The following PSTPIP1 variants were observed in gnomAD, a reference collection of about 807,000 sequenced individuals.
The protein encoded by PSTPIP1 is proline-serine-threonine phosphatase-interacting protein 1.
Under a neutral mutation model 69.6 loss-of-function variants are expected in PSTPIP1, and 66 were observed. That is an observed-to-expected ratio of 0.95 (90% CI 0.78 to 1.16). The LOEUF is 1.16. Among genes scored for constraint, PSTPIP1 ranks in the 50% most tolerant of loss-of-function variants. The pLI, the probability that PSTPIP1 is intolerant of heterozygous loss-of-function variation, is 0.00. For missense variants in PSTPIP1, 603 were observed against 557.4 expected, an observed-to-expected ratio of 1.08 and a Z score of -0.82; for synonymous variants, 266 against 222.7, an observed-to-expected ratio of 1.19 and a Z score of -1.73.
Position 77,031,214 on chromosome 15 carries a change from T to C in PSTPIP1, c.677T>C (p.Ile226Thr). 9 of 1,612,944 alleles carry C rather than the reference T, an allele frequency of 5.6e-6. No individual in the cohort carries two copies. The highest frequency in any genetic ancestry group is 7.6e-6 in the Non-Finnish European group (9 of 1,179,610). ...FQLQEFDRLTILRNALWVHSN... is the reference protein window; with the variant it reads ...FQLQEFDRLTTLRNALWVHSN... The stretch of plus-strand genomic sequence containing the variant: ...CTGCAAGAGTTTGACCGGCTGACCA[T>C]TCTCCGCAACGCCCTGTGGGTGCAC... The change falls in exon 10 of 15, where the codon ATT (isoleucine) becomes ACT (threonine). Residue 226 changes from isoleucine (I) to threonine (T), a missense_variant. Physicochemically the swap from Ile to Thr is moderately conservative, Grantham distance 89. Transcript: ENST00000558012.
chr15:77,015,246 T>C (rs992408924), intron 1 of PSTPIP1, among the ~76,000 whole-genome samples: 2 of 152,230 alleles, frequency 1.3e-5, no homozygotes, highest in African/African-American at 4.8e-5. Flanking sequence ...TCCTGGGCTG[T>C]CTACTAAATG....
Position 77,037,149 on chromosome 15 carries a change from C to T in PSTPIP1, c.1224C>T (p.Val408=), listed in dbSNP as rs2076600601. ...TVERNGQRGF[V]PGSYLEKL is the part of the protein sequence containing the mutation. Reference sequence around the variant, plus strand: ...AGAGGAACGGGCAGCGTGGCTTCGTCCCTGGTTCCTACCTGGAGAAGCTTT... The same window carrying T: ...AGAGGAACGGGCAGCGTGGCTTCGTTCCTGGTTCCTACCTGGAGAAGCTTT... The change falls in exon 15 of 15, where the codon GTC becomes GTT. Residue 408 remains valine, a synonymous_variant. Coordinates refer to ENST00000558012, the MANE Select transcript of PSTPIP1 (RefSeq NM_003978.5). 6.2e-7 allele frequency: 1 copy of T among 1,610,988 alleles called. No homozygotes were observed. Among genetic ancestry groups the T allele is most frequent in the Admixed American group, 1.7e-5 (1 of 59,776 alleles).
intron 14 of PSTPIP1, 46 bp from the exon 15 acceptor site, chr15:77,036,999 C>A (rs777117901): frequency 6.3e-7 from 1 of 1,597,830 alleles, no homozygotes; most frequent in East Asian, 2.2e-5. Context: ...GCAGGCCCTT[C>A]CCTGCAGGCC....
chr15:77,024,742 C>A (rs2076237075), intron 3 of PSTPIP1, among the ~76,000 whole-genome samples: 2 of 151,706 alleles, frequency 1.3e-5, no homozygotes, highest in East Asian at 1.9e-4. Flanking sequence ...CCCTCCCTCC[C>A]TCCCTCCCTC....
At chr15:77,032,273 C>A in intron 10 of PSTPIP1, 25 bp from the exon 11 acceptor site, 1 of 1,607,814 alleles carries the variant, frequency 6.2e-7, no homozygotes, top group East Asian at 2.2e-5. Flanking sequence ...CATCGGGCTG[C>A]GGCCTCTGCT....
chr15:77,005,262 T>G (rs925780257), intron 1 of PSTPIP1, among the ~76,000 whole-genome samples: 33 of 152,254 alleles, frequency 2.2e-4, no homozygotes, highest in Admixed American at 3.3e-4. Flanking sequence ...GGTGCATGCC[T>G]GTAATCCCAG....
At chr15:77,034,299 C>T (rs1241985400) in intron 12 of PSTPIP1, among the ~76,000 whole-genome samples, 2 of 152,322 alleles carry the variant, frequency 1.3e-5, no homozygotes, top group East Asian at 3.9e-4. Context: ...GGCTTGCACC[C>T]TGTCCTTTGC....
At chr15:77,018,328 C>T in intron 2 of PSTPIP1, 80 bp downstream of exon 2, 2 of 1,531,634 alleles carry the variant, frequency 1.3e-6, no homozygotes, top group South Asian at 1.2e-5. Flanking sequence ...GTGGACGAGG[C>T]CCCCATCCCA....
intron 1 of PSTPIP1, among the ~76,000 whole-genome samples, chr15:77,004,345 T>C (rs997622632): frequency 7.9e-5 from 12 of 152,170 alleles, no homozygotes; most frequent in Admixed American, 2.0e-4. Flanking sequence ...CCACCCACCA[T>C]TGGGCAACAG....
intron 3 of PSTPIP1, among the ~76,000 whole-genome samples, chr15:77,019,962 A>C (rs1450865685): frequency 6.6e-6 from 1 of 152,158 alleles, no homozygotes; most frequent in Non-Finnish European, 1.5e-5. Context: ...CTTTCCCAGA[A>C]AGAGAGGGTA....
intron 3 of PSTPIP1, among the ~76,000 whole-genome samples, chr15:77,019,313 C>T (rs1446601078): frequency 3.3e-5 from 5 of 152,228 alleles, no homozygotes; most frequent in African/African-American, 9.6e-5. Context: ...GACAGACCAC[C>T]GGCCTCCAAC....
intron 1 of PSTPIP1, among the ~76,000 whole-genome samples, chr15:76,999,303 G>C (rs2075647473): frequency 6.7e-6 from 1 of 149,064 alleles, no homozygotes; most frequent in African/African-American, 2.5e-5. Context: ...TTTTGAGAAA[G>C]AATCTTACTC....
chr15:77,005,078 T>C (rs2075789554), intron 1 of PSTPIP1, among the ~76,000 whole-genome samples: 1 of 152,024 alleles, frequency 6.6e-6, no homozygotes, highest in African/African-American at 2.4e-5. Flanking sequence ...ACATAGATAA[T>C]TGTGGTAATT....
intron 3 of PSTPIP1, among the ~76,000 whole-genome samples, chr15:77,020,874 G>GT (rs1568502928): frequency 2.1e-5 from 3 of 143,244 alleles, no homozygotes; most frequent in African/African-American, 7.5e-5. Flanking sequence ...CCTGTGGGGG[G>GT]GGGGGGTGTG....
At position 76,995,135 on chromosome 15, in the gene PSTPIP1, T is replaced by C. The variant is rs2152658268; in HGVS notation, c.-439T>C. On this transcript the variant is annotated 5_prime_UTR_variant, in exon 1 of 15. Coordinates refer to ENST00000558012, the MANE Select transcript of PSTPIP1 (RefSeq NM_003978.5). Reference sequence around the variant, plus strand: ...CCGGGGGAGGTTGCACAAACCTTCCTGCGCAGGCCTCGGGCTGCCTGCCTG... The same window carrying C: ...CCGGGGGAGGTTGCACAAACCTTCCCGCGCAGGCCTCGGGCTGCCTGCCTG... 8.7e-7 allele frequency: 1 copy of C among 1,152,462 alleles called. No individual in the cohort carries two copies. The highest frequency in any genetic ancestry group is 4.0e-5 in the Admixed American group (1 of 24,824). The allele number at this position is 1,152,462 out of a possible 1,614,324, so 71.4% of individuals were successfully genotyped here.
intron 2 of PSTPIP1, 98 bp from the exon 3 acceptor site, chr15:77,018,359 G>T: frequency 1.3e-6 from 2 of 1,534,976 alleles, no homozygotes; most frequent in Non-Finnish European, 1.8e-6. Context: ...GTCAGAACAC[G>T]CCCTGCTTTA....
intron 1 of PSTPIP1, among the ~76,000 whole-genome samples, chr15:77,012,839 G>A (rs2075973511): frequency 6.6e-6 from 1 of 152,306 alleles, no homozygotes; most frequent in East Asian, 1.9e-4. Context: ...TCCCCTCCAT[G>A]GGGCACCTCA....
chr15:77,029,113 G>T (rs1341851158), intron 7 of PSTPIP1, among the ~76,000 whole-genome samples: 1 of 152,352 alleles, frequency 6.6e-6, no homozygotes, highest in East Asian at 1.9e-4. Flanking sequence ...AGGCCAGAGT[G>T]GGGGTATCAG....
chr15:77,028,329 C>T (rs1163694665), intron 6 of PSTPIP1: 2 of 523,678 alleles, frequency 3.8e-6, no homozygotes, highest in African/African-American at 2.0e-5. Context: ...CGGGGCAGGC[C>T]GCGCTGTCCT....
Sources: gnomAD v4.1 joint callset for allele counts (sites outside exome capture counted in the v4.1 genomes callset) on GRCh38, gnomAD v4.1.1 for gene constraint, MANE v1.5 for transcripts, NCBI Gene and HGNC (gene_info 2026-07-23, HGNC 2026-07-21) for gene names.